Variants in CASP9 observed in about 807,000 individuals in gnomAD.
The protein encoded by CASP9 is caspase-9.
A neutral mutation model predicts 43.5 loss-of-function variants in CASP9; 29 were observed. The observed-to-expected ratio is 0.67, with a 90% CI of 0.50 to 0.91. The LOEUF (loss-of-function observed/expected upper bound fraction) is 0.91, where lower values mean the gene tolerates loss of function less well. Among genes scored for constraint, CASP9 ranks in the 40% least tolerant of loss-of-function variants. The pLI is 0.00. For missense variants in CASP9, 575 were observed against 537.4 expected (o/e 1.07, Z -0.69); for synonymous variants, 206 against 211.9 (o/e 0.97, Z 0.24).
intron 2 of CASP9, among the ~76,000 whole-genome samples, chr1:15,516,933 T>C (rs989972078): frequency 6.6e-6 from 1 of 152,228 alleles, no homozygotes; most frequent in African/African-American, 2.4e-5. Context: ...TCTCCCAATC[T>C]GTGGCTCACT....
chr1:15,522,536 C>T (rs1182247355), intron 1 of CASP9, among the ~76,000 whole-genome samples: 1 of 152,144 alleles, frequency 6.6e-6, no homozygotes, highest in Admixed American at 6.5e-5. Flanking sequence ...AGCAAGACTC[C>T]TATCTGTACA....
intron 6 of CASP9, among the ~76,000 whole-genome samples, chr1:15,499,133 A>T (rs141137924): frequency 6.6e-6 from 1 of 152,336 alleles, no homozygotes; most frequent in African/African-American, 2.4e-5. Flanking sequence ...TAATTAGGCA[A>T]CTGAGACTGA....
intron 1 of CASP9, among the ~76,000 whole-genome samples, chr1:15,519,546 T>G (rs1710096768): frequency 6.6e-6 from 1 of 151,320 alleles, no homozygotes; most frequent in Non-Finnish European, 1.5e-5. Flanking sequence ...CATCCAGGGG[T>G]CAGGGTGAAA....
At chr1:15,506,458 C>T (rs905616954) in intron 4 of CASP9, among the ~76,000 whole-genome samples, 5 of 151,758 alleles carry the variant, frequency 3.3e-5, no homozygotes, top group Non-Finnish European at 5.9e-5. Context: ...TCTGTGCCCC[C>T]GCCCCCCCCA....
chr1:15,524,794 A>C (rs1330681856), upstream of CASP9: 6 of 985,010 alleles, frequency 6.1e-6, no homozygotes, highest in Non-Finnish European at 7.2e-6. Flanking sequence ...CGCATCTAGA[A>C]GGTCTCGCCC....
intron 1 of CASP9, among the ~76,000 whole-genome samples, chr1:15,523,775 A>C (rs1710310321): frequency 6.6e-6 from 1 of 152,240 alleles, no homozygotes; most frequent in African/African-American, 2.4e-5. Context: ...TCATTGCAAC[A>C]CTAAAGCTCT....
rs751017704 is a variant in CASP9, at chr1:15,504,601, A to G, written c.868+10T>C. On this transcript the variant is annotated intron_variant, in intron 6 of 8. Coordinates refer to ENST00000333868, the MANE Select transcript of CASP9 (RefSeq NM_001229.5). ...AGACCCACCCAGAGGGAGGCTGAGG[A>G]GCTGCTTACCCCCACCACAGGCCTG... 27 of 1,607,722 alleles carry G rather than the reference A, an allele frequency of 1.7e-5. No individual in the cohort carries two copies. Among genetic ancestry groups the G allele is most frequent in the Non-Finnish European group, 2.2e-5 (26 of 1,177,204 alleles).
chr1:15,510,749 T>C (rs1709722851), intron 2 of CASP9, among the ~76,000 whole-genome samples: 1 of 151,976 alleles, frequency 6.6e-6, no homozygotes. Context: ...TTGGGTGACA[T>C]GGTCAGATAC....
At chr1:15,493,773 TCTA>T (rs1708984218) in intron 8 of CASP9, 116 bp downstream of exon 8, 1 of 1,533,806 alleles carries the variant, frequency 6.5e-7, no homozygotes, top group Admixed American at 2.0e-5. Context: ...GAGGCAGGAG[TCTA>T]CTACCTTTTA....
chr1:15,506,158 G>C, intron 4 of CASP9, 79 bp from the exon 5 acceptor site: 1 of 952,666 alleles, frequency 1.0e-6, no homozygotes, highest in South Asian at 1.3e-5. Context: ...CAATAAAAGG[G>C]CCCAGCCTGG....
intron 2 of CASP9, among the ~76,000 whole-genome samples, chr1:15,516,429 C>T (rs561659778): frequency 2.7e-5 from 4 of 148,186 alleles, no homozygotes; most frequent in East Asian, 2.0e-4. Context: ...TGCAGTGAGC[C>T]GTGATCATGC....
chr1:15,506,805 G>A (rs918363921), intron 4 of CASP9, 94 bp downstream of exon 4: 54 of 1,085,864 alleles, frequency 5.0e-5, no homozygotes, highest in African/African-American at 1.2e-4. Context: ...GTAAGGGCTC[G>A]CCTGGGGAGT....
At chr1:15,520,778 C>T (rs1025048229) in intron 1 of CASP9, among the ~76,000 whole-genome samples, 1 of 152,070 alleles carries the variant, frequency 6.6e-6, no homozygotes, top group East Asian at 1.9e-4. Context: ...ACGGTGAAAC[C>T]CGTCTCTACT....
At chr1:15,504,932 ACCTTGACAGCAAGGGGTTG>A (rs1709462335) in intron 5 of CASP9, among the ~76,000 whole-genome samples, 174 bp from the exon 6 acceptor site, 1 of 152,178 alleles carries the variant, frequency 6.6e-6, no homozygotes, top group African/African-American at 2.4e-5. Flanking sequence ...CTGGAAAGAC[ACCTTGACAGCAAGGGGTTG>A]CATGTCAAAC....
At chr1:15,508,202 A>G (rs1404425039) in intron 2 of CASP9, among the ~76,000 whole-genome samples, 1 of 152,222 alleles carries the variant, frequency 6.6e-6, no homozygotes. Flanking sequence ...ACGCCCCAAC[A>G]TGGAAACAAC....
chr1:15,504,662 G>A lies in CASP9; in HGVS notation c.817C>T (p.Pro273Ser). ...AGCTTGGGCTTCCCTCCCAGGCTGG[G>A]GCAGCTGGTCCCATTGAAGATGTTC... ...IVNIFNGTSC[P>S]SLGGKPKLFF... Residue 273 changes from proline to serine, a missense_variant, in exon 6 of 9, where the codon CCC (proline) becomes TCC (serine). By Grantham distance (74) the Pro-to-Ser change is moderately conservative (BLOSUM62 -1). Coordinates refer to ENST00000333868, the MANE Select transcript of CASP9 (RefSeq NM_001229.5). 1.2e-6 allele frequency: 2 copies of A among 1,614,176 alleles called. No individual in the cohort carries two copies. Among genetic ancestry groups the A allele is most frequent in the Non-Finnish European group, 1.7e-6 (2 of 1,180,016 alleles).
chr1:15,524,117 G>C lies in CASP9; in HGVS notation c.84C>G (p.Ala28=), dbSNP rs770947820. Residue 28 remains alanine, a synonymous_variant, in exon 1 of 9, where the codon GCC becomes GCG. Transcript: ENST00000333868. ...EELQVDQLWD[A]LLSRELFRPH... is the part of the protein sequence containing the mutation. ...GCCTGAACAGCTCGCGGCTCAGCAGGGCGTCCCAGAGCTGGTCCACCTGCA... is the reference window on the plus strand; with the variant it reads ...GCCTGAACAGCTCGCGGCTCAGCAGCGCGTCCCAGAGCTGGTCCACCTGCA... The C allele has an allele frequency of 6.5e-7, 1 of 1,540,332 alleles. No individual in the cohort carries two copies. Among genetic ancestry groups the C allele is most frequent in the South Asian group, 1.2e-5 (1 of 83,864 alleles).
chr1:15,511,406 A>ATT (rs35550418), intron 2 of CASP9, among the ~76,000 whole-genome samples: 602 of 143,462 alleles, frequency 4.2e-3, no homozygotes, highest in African/African-American at 0.012. Flanking sequence ...ACCACACCTA[A>ATT]TTTTTTTTTT....
intron 6 of CASP9, among the ~76,000 whole-genome samples, chr1:15,499,889 T>C (rs573550381): frequency 2.2e-4 from 33 of 152,356 alleles, no homozygotes; most frequent in Admixed American, 2.0e-3. Context: ...CCATATTTTT[T>C]GTCTTTTCCA....
Sources: allele counts gnomAD v4.1 joint callset (sites outside exome capture counted in the v4.1 genomes callset), GRCh38; gene constraint gnomAD v4.1.1; transcripts MANE v1.5; gene names NCBI Gene and HGNC (gene_info 2026-07-23, HGNC 2026-07-21).